The following COPS7B variants were observed in gnomAD, a reference collection of about 807,000 sequenced individuals.
COPS7B encodes the protein COP9 signalosome complex subunit 7b.
In COPS7B, 9 loss-of-function variants were observed where a neutral mutation model predicts 33.4. The observed-to-expected ratio is 0.27, with a 90% CI of 0.16 to 0.47. The LOEUF is 0.47. COPS7B is among the 20% of genes least tolerant of loss of function. The probability of loss-of-function intolerance (pLI) is 0.99; values close to 1 mark genes in which losing one functional copy is unlikely to be tolerated. For missense variants in COPS7B, 242 were observed against 318.2 expected, an observed-to-expected ratio of 0.76 and a Z score of 1.82; for synonymous variants, 119 against 126.3, an observed-to-expected ratio of 0.94 and a Z score of 0.39.
intron 6 of COPS7B, among the ~76,000 whole-genome samples, chr2:231,806,593 T>C (rs2049901674): frequency 6.6e-6 from 1 of 151,948 alleles, no homozygotes; most frequent in Non-Finnish European, 1.5e-5. Context: ...CTATTACTTA[T>C]TTGACTGCAC....
intron 6 of COPS7B, among the ~76,000 whole-genome samples, chr2:231,804,402 G>A (rs1269073341): frequency 6.6e-6 from 1 of 151,894 alleles, no homozygotes; most frequent in Non-Finnish European, 1.5e-5. Context: ...TGCCCGCCAC[G>A]TCACCCGGCT....
chr2:231,792,026 A>G, intron 3 of COPS7B: 1 of 677,922 alleles, frequency 1.5e-6, no homozygotes. Context: ...GTGCTCATCC[A>G]CAAATGTAGC....
rs1309975577 is a variant in COPS7B at position 231,808,399 on chromosome 2, C to T, written c.*754C>T. ...ACTCTTCCTGCTGCCTCTGACTACT[C>T]AGCCTTGTTTTCGGTGTGTAGGCCC... On this transcript the variant is annotated 3_prime_UTR_variant, in exon 7 of 7. Coordinates refer to ENST00000350033, the MANE Select transcript of COPS7B (RefSeq NM_022730.4). 2.1e-6 allele frequency: 1 copy of T among 470,378 alleles called. No individual in the cohort carries two copies. Among genetic ancestry groups the T allele is most frequent in the East Asian group, 7.0e-5 (1 of 14,386 alleles). 29.1% of individuals were successfully genotyped at this position (470,378 alleles called of 1,614,324 possible). A position where few individuals can be genotyped will look rare whatever the true frequency, so the allele number is the denominator to read the frequency against.
At chr2:231,788,338 G>T (rs2049312278) in intron 1 of COPS7B, among the ~76,000 whole-genome samples, 1 of 152,048 alleles carries the variant, frequency 6.6e-6, no homozygotes, top group South Asian at 2.1e-4. Context: ...GTTTTGCCAT[G>T]TTGCCCATAC....
chr2:231,792,522 T>C (rs1302918671), intron 3 of COPS7B, among the ~76,000 whole-genome samples: 1 of 152,156 alleles, frequency 6.6e-6, no homozygotes. Flanking sequence ...ATGTCACTCA[T>C]ATGTTGCTCA....
rs1463399685 is a variant in COPS7B, at chr2:231,808,253, T to C, written c.*608T>C. The C allele has an allele frequency of 2.8e-6, 1 of 353,792 alleles. No homozygotes were observed. Among genetic ancestry groups the C allele is most frequent in the African/African-American group, 2.2e-5 (1 of 45,306 alleles). The allele number at this position is 353,792 out of a possible 1,614,324, so 21.9% of individuals were successfully genotyped here. ...TTCAGCCTCTTAAGCCCAGCTCCGATCTCCAATTAGTTGAGAGCGCTGGGT... is the reference window on the plus strand; with the variant it reads ...TTCAGCCTCTTAAGCCCAGCTCCGACCTCCAATTAGTTGAGAGCGCTGGGT... On this transcript the variant is annotated 3_prime_UTR_variant, in exon 7 of 7. Transcript: ENST00000350033.
chr2:231,785,090 C>A (rs528047496), upstream of COPS7B, among the ~76,000 whole-genome samples: 22 of 152,314 alleles, frequency 1.4e-4, no homozygotes, highest in East Asian at 4.2e-3. Flanking sequence ...GGATTACAGG[C>A]GTGAGCCACC....
rs561304433 is a variant in COPS7B at position 231,791,308 on chromosome 2, T to A, written c.163-425T>A. On this transcript the variant is annotated intron_variant, in intron 2 of 6. Coordinates refer to ENST00000350033, the MANE Select transcript of COPS7B (RefSeq NM_022730.4). ...CATAGTCCACGTGTAGTCCTGAAAC[T>A]TGGAACCAACCCTGAGCTTTGTTCA... The A allele has an allele frequency of 2.2e-4, 40 of 179,370 alleles. No homozygotes were observed. In the South Asian group the frequency reaches 4.7e-3, roughly 21 times the overall value. 11.1% of individuals were successfully genotyped at this position (179,370 alleles called of 1,614,324 possible). A position where few individuals can be genotyped will look rare whatever the true frequency, so the allele number is the denominator to read the frequency against.
upstream of COPS7B, among the ~76,000 whole-genome samples, chr2:231,784,932 C>T (rs2049203151): frequency 1.3e-5 from 2 of 152,342 alleles, no homozygotes; most frequent in South Asian, 4.1e-4. Context: ...CATGCCTCAG[C>T]CTCCAGAGTA....
intron 6 of COPS7B, chr2:231,801,049 G>A: frequency 1.0e-6 from 1 of 1,002,162 alleles, no homozygotes; most frequent in Non-Finnish European, 1.5e-6. Flanking sequence ...TATTCTGTTT[G>A]TATTTATGCC....
At chr2:231,798,283 G>A (rs1445443498) in intron 5 of COPS7B, among the ~76,000 whole-genome samples, 4 of 120,210 alleles carry the variant, frequency 3.3e-5, no homozygotes, top group African/African-American at 1.3e-4. Flanking sequence ...TTGCGGCAGA[G>A]TTTCGCTCTG....
rs776338898 is a variant in COPS7B, at chr2:231,788,611, A to G, written c.41A>G (p.Gln14Arg). The G allele has an allele frequency of 6.2e-7, 1 of 1,614,178 alleles. No individual in the cohort carries two copies. The highest frequency in any genetic ancestry group is 1.1e-5 in the South Asian group (1 of 91,082). Residue 14 changes from glutamine to arginine, a missense_variant, in exon 2 of 7, where the codon CAG (glutamine) becomes CGG (arginine). Transcript: ENST00000350033. ...AAACCCTCAAGTAATCTCCTGGAGC[A>G]GTTTATTTTACTAGCCAAAGGTACC... The part of the protein sequence containing the change: ...EQKPSSNLLE[Q>R]FILLAKGTSG...
In COPS7B at chr2:231,788,722, A is replaced by G; in HGVS notation, c.152A>G (p.Asn51Ser). The G allele has an allele frequency of 1.9e-6, 3 of 1,613,792 alleles. No homozygotes were observed. In the South Asian group the frequency reaches 3.3e-5, roughly 18 times the overall value. The change falls in exon 2 of 7, where the codon AAC becomes AGC. Residue 51 changes from asparagine to serine, a missense_variant. Physicochemically the swap from Asn to Ser is conservative, Grantham distance 46. Transcript: ENST00000350033. Reference protein sequence around the residue: ...YVFGELLELANVQELAEGANA... With the variant: ...YVFGELLELASVQELAEGANA... ...TTTGGAGAACTTCTGGAGCTGGCCAACGTGCAGGAGGTAAGAACGGTTTGC... is the reference window on the plus strand; with the variant it reads ...TTTGGAGAACTTCTGGAGCTGGCCAGCGTGCAGGAGGTAAGAACGGTTTGC...
chr2:231,797,089 G>A (rs1048506209), intron 5 of COPS7B, among the ~76,000 whole-genome samples: 8 of 152,250 alleles, frequency 5.3e-5, no homozygotes, highest in East Asian at 1.9e-4. Context: ...ACCTGGAGGT[G>A]AGGAGAGTGT....
chr2:231,785,651 C>T (rs1395133014), upstream of COPS7B, among the ~76,000 whole-genome samples: 1 of 152,138 alleles, frequency 6.6e-6, no homozygotes, highest in Non-Finnish European at 1.5e-5. Context: ...TGCATTTGTC[C>T]TGTCTCATTT....
chr2:231,797,207 A>G (rs2049597081), intron 5 of COPS7B, among the ~76,000 whole-genome samples: 1 of 152,178 alleles, frequency 6.6e-6, no homozygotes, highest in African/African-American at 2.4e-5. Context: ...CGAGAGAAGC[A>G]TATCCAGAGA....
At chr2:231,786,614 C>A in intron 1 of COPS7B, 76 bp downstream of exon 1, 1 of 750,760 alleles carries the variant, frequency 1.3e-6, no homozygotes, top group Non-Finnish European at 1.6e-6. Context: ...TTAGAGCCCG[C>A]CGCCAAGGAA....
Position 231,808,829 on chromosome 2 carries a change from G to GTGTGTA in COPS7B, c.*1189_*1190insATGTGT, listed in dbSNP as rs1404795219. 4.0e-6 allele frequency: 1 copy of GTGTGTA among 250,208 alleles called. No homozygotes were observed. Among genetic ancestry groups the GTGTGTA allele is most frequent in the Non-Finnish European group, 7.8e-6 (1 of 127,938 alleles). The allele number at this position is 250,208 out of a possible 1,614,324, so 15.5% of individuals were successfully genotyped here. On this transcript the variant is annotated 3_prime_UTR_variant, in exon 7 of 7. Coordinates refer to ENST00000350033, the MANE Select transcript of COPS7B (RefSeq NM_022730.4). ...TGTGTGTGTGTGTGTGTGTGTGTGT[G>GTGTGTA]TGTGTGTGTGTGTTTGTAGGTCCTG...
At chr2:231,786,617 C>T in intron 1 of COPS7B, 79 bp downstream of exon 1, 1 of 709,834 alleles carries the variant, frequency 1.4e-6, no homozygotes, top group African/African-American at 1.9e-5. Context: ...GAGCCCGCCG[C>T]CAAGGAAGCC....
Sources: gnomAD v4.1 joint callset for allele counts (sites outside exome capture counted in the v4.1 genomes callset) on GRCh38, gnomAD v4.1.1 for gene constraint, MANE v1.5 for transcripts, NCBI Gene and HGNC (gene_info 2026-07-23, HGNC 2026-07-21) for gene names.